The following AGBL4 variants were observed in gnomAD, a reference collection of about 807,000 sequenced individuals.
The protein encoded by AGBL4 is cytosolic carboxypeptidase 6.
In AGBL4, 58 loss-of-function variants were observed where a neutral mutation model predicts 66.4. That is an observed-to-expected ratio of 0.87 (90% CI 0.71 to 1.09). AGBL4 has a LOEUF of 1.09. AGBL4 is among the 50% of genes least tolerant of loss of function. The pLI, the probability that AGBL4 is intolerant of heterozygous loss-of-function variation, is 0.00. For missense variants in AGBL4, 579 were observed against 631.0 expected (o/e 0.92, Z 0.88); for synonymous variants, 234 against 222.9 (o/e 1.05, Z -0.44).
At chr1:48,911,478 G>A (rs1186624549) in intron 5 of AGBL4, among the ~76,000 whole-genome samples, 2 of 152,120 alleles carry the variant, frequency 1.3e-5, no homozygotes, top group Non-Finnish European at 2.9e-5. Flanking sequence ...AAATTAGCCA[G>A]GCGTGGTGGT....
chr1:49,446,827 C>A (rs1646167808), intron 3 of AGBL4, among the ~76,000 whole-genome samples: 1 of 152,182 alleles, frequency 6.6e-6, no homozygotes, highest in Admixed American at 6.5e-5. Flanking sequence ...TACTACATGA[C>A]TCCAAAGCCC....
chr1:49,510,426 G>C (rs1007558362), intron 3 of AGBL4, among the ~76,000 whole-genome samples: 2 of 149,960 alleles, frequency 1.3e-5, no homozygotes, highest in Admixed American at 1.3e-4. Context: ...TTTTTGATGG[G>C]GTTGTTTGTT....
At chr1:49,295,033 A>C (rs760675464) in intron 3 of AGBL4, among the ~76,000 whole-genome samples, 6 of 152,230 alleles carry the variant, frequency 3.9e-5, no homozygotes, top group Non-Finnish European at 8.8e-5. Flanking sequence ...TGAATGCGTA[A>C]GTGAATCCAT....
chr1:49,249,368 C>A (rs1651874480), intron 3 of AGBL4, among the ~76,000 whole-genome samples: 1 of 151,864 alleles, frequency 6.6e-6, no homozygotes, highest in South Asian at 2.1e-4. Context: ...GGAACTCAAA[C>A]AACTCAATAG....
chr1:49,909,256 A>G (rs1026621427), intron 1 of AGBL4, among the ~76,000 whole-genome samples: 1 of 152,182 alleles, frequency 6.6e-6, no homozygotes, highest in African/African-American at 2.4e-5. Context: ...TTAAATATAT[A>G]CATTCATACA....
At chr1:49,842,164 G>A in intron 2 of AGBL4, 3 of 408,106 alleles carry the variant, frequency 7.4e-6, no homozygotes, top group Admixed American at 3.3e-5. Context: ...CTGCATTGGA[G>A]GAGCATGTGA....
At chr1:48,773,292 C>A (rs1192448609) in intron 6 of AGBL4, among the ~76,000 whole-genome samples, 4 of 152,100 alleles carry the variant, frequency 2.6e-5, no homozygotes, top group Non-Finnish European at 5.9e-5. Flanking sequence ...CAGTAGCAGG[C>A]TGGATTGCAG....
intron 3 of AGBL4, among the ~76,000 whole-genome samples, chr1:49,450,944 T>C (rs1418268691): frequency 6.6e-6 from 1 of 152,048 alleles, no homozygotes; most frequent in Non-Finnish European, 1.5e-5. Flanking sequence ...CCCAATTCTA[T>C]AGGTCAGAAA....
intron 3 of AGBL4, among the ~76,000 whole-genome samples, chr1:49,578,909 G>A (rs1005644492): frequency 9.9e-5 from 15 of 152,196 alleles, no homozygotes; most frequent in African/African-American, 3.6e-4. Flanking sequence ...CTGTGAAGGT[G>A]TTGCCAAAAG....
rs72902820 is a variant in AGBL4, at chr1:48,686,824, C to T, written c.635-23583G>A. Among the ~76,000 whole-genome samples, 827 of 152,348 alleles carry T rather than the reference C, an allele frequency of 5.4e-3. 6 individuals carry two copies. Among genetic ancestry groups the T allele is most frequent in the African/African-American group, 0.019 (792 of 41,576 alleles). ...CCACACAGTGTAGGATTCAACTCAG[C>T]AACCTCTGAGGGCCTAGTCAGTGCC... On this transcript the variant is annotated intron_variant, in intron 6 of 13. Transcript: ENST00000371839.
chr1:48,703,560 A>G (rs1473384268), intron 6 of AGBL4, among the ~76,000 whole-genome samples: 1 of 152,182 alleles, frequency 6.6e-6, no homozygotes, highest in African/African-American at 2.4e-5. Flanking sequence ...ACTTTCAGAT[A>G]CAAAGCAAGT....
At chr1:49,875,234 C>G (rs1232551172) in intron 1 of AGBL4, among the ~76,000 whole-genome samples, 1 of 137,866 alleles carries the variant, frequency 7.3e-6, no homozygotes, top group African/African-American at 2.7e-5. Flanking sequence ...TATACATATG[C>G]CATGCTGGTG....
chr1:49,738,601 T>A (rs1650113431), intron 2 of AGBL4, among the ~76,000 whole-genome samples: 1 of 152,216 alleles, frequency 6.6e-6, no homozygotes, highest in South Asian at 2.1e-4. Context: ...AAGGACAGAC[T>A]GCCTCCTCAA....
intron 6 of AGBL4, among the ~76,000 whole-genome samples, chr1:48,822,546 T>C (rs1347550200): frequency 6.6e-6 from 1 of 152,268 alleles, no homozygotes; most frequent in Non-Finnish European, 1.5e-5. Context: ...CAATTGACCA[T>C]ATTTGTGTGG....
chr1:48,953,910 T>C (rs1052422719), intron 5 of AGBL4, among the ~76,000 whole-genome samples: 1 of 152,160 alleles, frequency 6.6e-6, no homozygotes, highest in Non-Finnish European at 1.5e-5. Flanking sequence ...CCTGATTAAA[T>C]GAGCTAAGTT....
chr1:49,885,619 T>C (rs1411119669), intron 1 of AGBL4, among the ~76,000 whole-genome samples: 1 of 152,116 alleles, frequency 6.6e-6, no homozygotes, highest in Non-Finnish European at 1.5e-5. Context: ...GATGTTTCAA[T>C]TACCAAATAT....
intron 3 of AGBL4, among the ~76,000 whole-genome samples, chr1:49,657,186 A>C (rs1646158055): frequency 6.6e-6 from 1 of 152,184 alleles, no homozygotes; most frequent in Admixed American, 6.5e-5. Context: ...AATGTGCAAA[A>C]ATCACAAACA....
intron 1 of AGBL4, among the ~76,000 whole-genome samples, chr1:49,853,384 G>A (rs1646353603): frequency 6.6e-6 from 1 of 152,018 alleles, no homozygotes; most frequent in Non-Finnish European, 1.5e-5. Context: ...GTACACTTGG[G>A]ACAGCTGAAA....
chr1:49,681,468 T>C (rs1646691931), intron 3 of AGBL4, among the ~76,000 whole-genome samples: 1 of 152,174 alleles, frequency 6.6e-6, no homozygotes, highest in Non-Finnish European at 1.5e-5. Flanking sequence ...ACCATGTTAC[T>C]GTGAGGTGGA....
Sources: allele counts gnomAD v4.1 joint callset (sites outside exome capture counted in the v4.1 genomes callset), GRCh38; gene constraint gnomAD v4.1.1; transcripts MANE v1.5; gene names NCBI Gene and HGNC (gene_info 2026-07-23, HGNC 2026-07-21).